GPC5: variants seen among roughly 807,000 people sequenced by gnomAD.
The protein encoded by GPC5 is glypican-5.
A neutral mutation model predicts 53.9 loss-of-function variants in GPC5; 47 were observed. The observed-to-expected ratio is 0.87, with a 90% CI of 0.69 to 1.11. The LOEUF (loss-of-function observed/expected upper bound fraction) is 1.11, where lower values mean the gene tolerates loss of function less well. GPC5 is among the 50% of genes most tolerant of loss of function. GPC5 has a pLI of 0.00. For synonymous variants in GPC5, 286 were observed against 263.3 expected, an observed-to-expected ratio of 1.09 and a Z score of -0.84; for missense variants, 748 against 713.1, an observed-to-expected ratio of 1.05 and a Z score of -0.56.
Position 91,448,779 on chromosome 13 carries a change from G to C in GPC5, c.182G>C (p.Cys61Ser). 1 of 1,612,866 alleles carries C rather than the reference G, an allele frequency of 6.2e-7. No individual in the cohort carries two copies. The highest frequency in any genetic ancestry group is 8.5e-7 in the Non-Finnish European group (1 of 1,179,562). ...SPRAGPDLQV[C>S]ISKKPTCCTR... ...GTTCCAGGACCTGATCTTCAGGTTT[G>C]CATATCCAAAAAGCCTACATGTTGC... The change falls in exon 2 of 8, where the codon TGC (cysteine) becomes TCC (serine). Residue 61 changes from cysteine to serine, a missense_variant. Physicochemically the swap from Cys to Ser is moderately radical, Grantham distance 112. Transcript: ENST00000377067.
chr13:91,415,352 C>T (rs943830347), intron 1 of GPC5, among the ~76,000 whole-genome samples: 6 of 152,132 alleles, frequency 3.9e-5, no homozygotes, highest in South Asian at 4.1e-4. Flanking sequence ...AGGGTGCTAA[C>T]GTGATGTTCG....
At chr13:92,710,517 G>T (rs1459199804) in intron 7 of GPC5, among the ~76,000 whole-genome samples, 1 of 152,196 alleles carries the variant, frequency 6.6e-6, no homozygotes, top group Non-Finnish European at 1.5e-5. Context: ...ACAGCAAAGA[G>T]AAAAGTCTAA....
intron 6 of GPC5, among the ~76,000 whole-genome samples, chr13:92,096,935 G>A (rs577363591): frequency 6.6e-6 from 1 of 152,298 alleles, no homozygotes; most frequent in South Asian, 2.1e-4. Flanking sequence ...AACCTAGATG[G>A]TCTGAAAAGA....
At chr13:92,597,607 C>T (rs1883923124) in intron 7 of GPC5, among the ~76,000 whole-genome samples, 1 of 152,018 alleles carries the variant, frequency 6.6e-6, no homozygotes, top group Non-Finnish European at 1.5e-5. Context: ...CAAAGAAAAA[C>T]TAAGGACTGC....
intron 7 of GPC5, among the ~76,000 whole-genome samples, chr13:92,544,532 AT>A (rs1207219273): frequency 1.3e-5 from 2 of 151,758 alleles, no homozygotes; most frequent in Middle Eastern, 3.4e-3. Context: ...TTTTGATTTT[AT>A]TTTTTCTCAG....
intron 7 of GPC5, among the ~76,000 whole-genome samples, chr13:92,673,116 T>A (rs1359491863): frequency 6.6e-6 from 1 of 152,030 alleles, no homozygotes; most frequent in East Asian, 1.9e-4. Flanking sequence ...TTTAAATAAT[T>A]TTTTATGCAT....
chr13:91,934,118 C>T (rs575560792), intron 6 of GPC5, among the ~76,000 whole-genome samples: 27 of 151,888 alleles, frequency 1.8e-4, no homozygotes, highest in Admixed American at 9.2e-4. Context: ...ACAAAAGCCA[C>T]TTTTATGAAG....
intron 3 of GPC5, among the ~76,000 whole-genome samples, chr13:91,711,241 G>A (rs2036218847): frequency 6.6e-6 from 1 of 152,162 alleles, no homozygotes; most frequent in Non-Finnish European, 1.5e-5. Flanking sequence ...TTAAGAAAAT[G>A]TGGCACATAT....
At chr13:91,920,272 A>G (rs1422601699) in intron 6 of GPC5, among the ~76,000 whole-genome samples, 1 of 152,158 alleles carries the variant, frequency 6.6e-6, no homozygotes, top group Non-Finnish European at 1.5e-5. Flanking sequence ...AATAAAAAAG[A>G]ACTTCAGAAA....
intron 7 of GPC5, among the ~76,000 whole-genome samples, chr13:92,818,289 C>T (rs985259425): frequency 6.6e-6 from 1 of 151,884 alleles, no homozygotes; most frequent in Non-Finnish European, 1.5e-5. Context: ...GCATTACAGG[C>T]GTGAGCCACC....
chr13:91,651,303 T>C (rs1460533152), intron 2 of GPC5, among the ~76,000 whole-genome samples: 3 of 152,212 alleles, frequency 2.0e-5, no homozygotes, highest in Non-Finnish European at 4.4e-5. Flanking sequence ...ATAAATATTT[T>C]GATAGTATTG....
At chr13:91,935,702 A>T (rs571667094) in intron 6 of GPC5, among the ~76,000 whole-genome samples, 3 of 152,038 alleles carry the variant, frequency 2.0e-5, no homozygotes, top group Non-Finnish European at 4.4e-5. Context: ...AAGTCACTGG[A>T]ACACAGCTAA....
intron 6 of GPC5, among the ~76,000 whole-genome samples, chr13:92,046,257 A>G (rs369141543): frequency 1.3e-5 from 2 of 152,320 alleles, no homozygotes; most frequent in African/African-American, 4.8e-5. Context: ...AGTTTTCTTT[A>G]TACCATTGTG....
At chr13:91,764,903 A>G (rs2037492351) in intron 5 of GPC5, among the ~76,000 whole-genome samples, 1 of 152,176 alleles carries the variant, frequency 6.6e-6, no homozygotes, top group Non-Finnish European at 1.5e-5. Context: ...GGCAGGTATT[A>G]ACAGCTGATG....
intron 7 of GPC5, among the ~76,000 whole-genome samples, chr13:92,479,368 A>G (rs1228435235): frequency 2.6e-5 from 4 of 152,208 alleles, no homozygotes; most frequent in Non-Finnish European, 5.9e-5. Context: ...AAACTTCACT[A>G]AACACTTGTA....
chr13:91,625,428 G>C (rs1462158500), intron 2 of GPC5, among the ~76,000 whole-genome samples: 5 of 152,004 alleles, frequency 3.3e-5, no homozygotes, highest in Admixed American at 3.3e-4. Context: ...TATAACTTTT[G>C]TCTTTCTTTA....
chr13:91,812,774 A>G (rs1191211037), intron 5 of GPC5, among the ~76,000 whole-genome samples: 3 of 152,310 alleles, frequency 2.0e-5, no homozygotes, highest in Middle Eastern at 3.4e-3. Context: ...GTTAATCTAT[A>G]TCACCAATCA....
chr13:92,752,729 G>A (rs1874625097), intron 7 of GPC5, among the ~76,000 whole-genome samples: 6 of 152,164 alleles, frequency 3.9e-5, no homozygotes, highest in Admixed American at 3.9e-4. Context: ...AGGGGTGACG[G>A]AGGGCACCTG....
chr13:91,827,835 T>C (rs1185267891), intron 5 of GPC5, among the ~76,000 whole-genome samples: 1 of 152,088 alleles, frequency 6.6e-6, no homozygotes, highest in Non-Finnish European at 1.5e-5. Flanking sequence ...AATATGTCAC[T>C]GGATATTTAC....
Sources: gnomAD v4.1 joint callset for allele counts (sites outside exome capture counted in the v4.1 genomes callset) on GRCh38, gnomAD v4.1.1 for gene constraint, MANE v1.5 for transcripts, NCBI Gene and HGNC (gene_info 2026-07-23, HGNC 2026-07-21) for gene names.